The following GPBP1L1 variants were observed in gnomAD, a reference collection of about 807,000 sequenced individuals.
GPBP1L1 encodes vasculin-like protein 1.
Under a neutral mutation model 52.5 loss-of-function variants are expected in GPBP1L1, and 23 were observed. That is an observed-to-expected ratio of 0.44 (90% CI 0.32 to 0.62). The LOEUF (loss-of-function observed/expected upper bound fraction) is 0.62. Ranked by LOEUF, GPBP1L1 falls within the 20% of genes least tolerant of loss-of-function variation. GPBP1L1 has a pLI of 0.06. For synonymous variants in GPBP1L1, 243 were observed against 203.1 expected (o/e 1.20, Z -1.67); for missense variants, 596 against 579.3 (o/e 1.03, Z -0.30).
chr1:45,673,203 C>T (rs1645095398), intron 2 of GPBP1L1, among the ~76,000 whole-genome samples: 1 of 152,136 alleles, frequency 6.6e-6, no homozygotes, highest in Non-Finnish European at 1.5e-5. Flanking sequence ...AAGCAGAACA[C>T]GTGGGTACTA....
At chr1:45,659,339 A>G (rs577515874) in intron 3 of GPBP1L1, among the ~76,000 whole-genome samples, 197 bp from the exon 4 acceptor site, 1 of 152,312 alleles carries the variant, frequency 6.6e-6, no homozygotes, top group Admixed American at 6.5e-5. Context: ...AGTTCTAAAC[A>G]AAAGAAAACT....
At chr1:45,642,310 A>C in intron 7 of GPBP1L1, 117 bp downstream of exon 7, 1 of 740,284 alleles carries the variant, frequency 1.4e-6, no homozygotes, top group Non-Finnish European at 2.4e-6. Context: ...GTTAGTTACC[A>C]TGGGCAAATG....
At chr1:45,683,761 A>T (rs2148527290) in intron 2 of GPBP1L1, among the ~76,000 whole-genome samples, 1 of 150,046 alleles carries the variant, frequency 6.7e-6, no homozygotes, top group African/African-American at 2.4e-5. Flanking sequence ...CAAAAAAAAA[A>T]AAAAAAAAAA....
At chr1:45,657,529 C>T (rs938400773) in intron 4 of GPBP1L1, among the ~76,000 whole-genome samples, 2 of 152,034 alleles carry the variant, frequency 1.3e-5, no homozygotes, top group African/African-American at 4.8e-5. Context: ...GAGTAAGACC[C>T]CGTCTCAATA....
chr1:45,680,429 G>A (rs192134459), intron 2 of GPBP1L1, among the ~76,000 whole-genome samples: 1 of 151,958 alleles, frequency 6.6e-6, no homozygotes, highest in Admixed American at 6.6e-5. Context: ...AGTAGAGACA[G>A]GGTTTCACCA....
intron 7 of GPBP1L1, chr1:45,641,542 G>A (rs1028925832): frequency 6.6e-6 from 1 of 152,102 alleles, no homozygotes; most frequent in South Asian, 2.1e-4. Context: ...TTATGGGCTG[G>A]GTATGGTGGC....
intron 10 of GPBP1L1, chr1:45,630,820 A>G: frequency 3.7e-6 from 2 of 537,168 alleles, no homozygotes; most frequent in Non-Finnish European, 6.7e-6. Context: ...CAGAACAGCC[A>G]ACACAATACT....
intron 2 of GPBP1L1, among the ~76,000 whole-genome samples, chr1:45,681,144 G>A (rs1645208012): frequency 6.6e-6 from 1 of 151,996 alleles, no homozygotes; most frequent in Non-Finnish European, 1.5e-5. Context: ...CATCTCAAAC[G>A]AGAGTAAATA....
chr1:45,635,207 G>A (rs926323370), intron 8 of GPBP1L1: 7 of 152,094 alleles, frequency 4.6e-5, no homozygotes, highest in African/African-American at 1.7e-4. Flanking sequence ...TGACAATAAG[G>A]AAGTTCCACA....
At chr1:45,651,226 A>G (rs1412293199) in intron 6 of GPBP1L1, 2 of 433,088 alleles carry the variant, frequency 4.6e-6, no homozygotes, top group African/African-American at 4.0e-5. Context: ...GAAGGCAACC[A>G]GTGGTGCAGG....
intron 2 of GPBP1L1, among the ~76,000 whole-genome samples, chr1:45,682,805 T>C (rs1569899738): frequency 6.6e-6 from 1 of 152,230 alleles, no homozygotes; most frequent in African/African-American, 2.4e-5. Context: ...AAAGTATACC[T>C]GTGGACAAAA....
At position 45,627,585 on chromosome 1, in the gene GPBP1L1, A is replaced by T. The variant is rs1377548702; in HGVS notation, c.*671T>A. ...AACCACATCTTTTAAATCTGTAAAT[A>T]ATGTTATCAAAATAATCTTAATCTT... On this transcript the variant is annotated 3_prime_UTR_variant, in exon 13 of 13. Transcript: ENST00000355105. The T allele has an allele frequency of 6.6e-6, 1 of 152,554 alleles. No homozygotes were observed. The highest frequency in any genetic ancestry group is 1.5e-5 in the Non-Finnish European group (1 of 67,966). 9.5% of individuals were successfully genotyped at this position (152,554 alleles called of 1,614,324 possible).
intron 2 of GPBP1L1, among the ~76,000 whole-genome samples, chr1:45,674,237 A>G (rs1471960861): frequency 6.6e-6 from 1 of 152,238 alleles, no homozygotes; most frequent in East Asian, 1.9e-4. Context: ...AAAAAATTCA[A>G]AAGATGTTTT....
intron 10 of GPBP1L1, among the ~76,000 whole-genome samples, chr1:45,631,263 T>C (rs904274729): frequency 2.6e-5 from 4 of 152,160 alleles, no homozygotes; most frequent in Non-Finnish European, 5.9e-5. Context: ...TATTTGTTTA[T>C]TTACTTACTT....
intron 9 of GPBP1L1, 48 bp downstream of exon 9, chr1:45,634,048 G>A (rs751973320): frequency 2.0e-5 from 31 of 1,540,488 alleles, no homozygotes; most frequent in Non-Finnish European, 2.3e-5. Flanking sequence ...CTAAGTGAAC[G>A]GGAAATGGCA....
chr1:45,668,431 A>AT (rs1645035904), intron 2 of GPBP1L1, among the ~76,000 whole-genome samples: 1 of 152,190 alleles, frequency 6.6e-6, no homozygotes, highest in South Asian at 2.1e-4. Context: ...AGGCAGGCGG[A>AT]TAACTTGAGG....
At chr1:45,676,434 C>T (rs898717390) in intron 2 of GPBP1L1, among the ~76,000 whole-genome samples, 1 of 151,844 alleles carries the variant, frequency 6.6e-6, no homozygotes, top group African/African-American at 2.4e-5. Context: ...GACCCCATCT[C>T]TACAAAAAAA....
intron 2 of GPBP1L1, among the ~76,000 whole-genome samples, chr1:45,664,692 T>C (rs1254992001): frequency 6.8e-6 from 1 of 146,056 alleles, no homozygotes; most frequent in East Asian, 2.1e-4. Context: ...TGTTTTGTTT[T>C]TGAGATGAGG....
At chr1:45,648,922 T>G (rs1372249762) in intron 6 of GPBP1L1, among the ~76,000 whole-genome samples, 2 of 152,100 alleles carry the variant, frequency 1.3e-5, no homozygotes, top group Non-Finnish European at 2.9e-5. Flanking sequence ...CCCAGCTACT[T>G]GGGAGGCTGA....
Sources: allele counts gnomAD v4.1 joint callset (sites outside exome capture counted in the v4.1 genomes callset), GRCh38; gene constraint gnomAD v4.1.1; transcripts MANE v1.5; gene names NCBI Gene and HGNC (gene_info 2026-07-23, HGNC 2026-07-21).